Variants in CFAP300 observed in about 807,000 individuals in gnomAD.
CFAP300 encodes cilia- and flagella-associated protein 300.
Under a neutral mutation model 33.0 loss-of-function variants are expected in CFAP300, and 32 were observed. The ratio of observed to expected loss-of-function variants is 0.97; its 90% CI spans 0.73 to 1.30. The LOEUF is 1.30. CFAP300 is among the 50% of genes most tolerant of loss of function. The probability of loss-of-function intolerance (pLI) is 0.00; values close to 1 mark genes in which losing one functional copy is unlikely to be tolerated. For missense variants in CFAP300, 356 were observed against 318.1 expected, an observed-to-expected ratio of 1.12 and a Z score of -0.90; for synonymous variants, 102 against 106.8, an observed-to-expected ratio of 0.95 and a Z score of 0.28.
chr11:102,061,631 T>C (rs1327199420), intron 3 of CFAP300, among the ~76,000 whole-genome samples: 3 of 152,238 alleles, frequency 2.0e-5, no homozygotes, highest in Non-Finnish European at 4.4e-5. Context: ...GGTAGTATTA[T>C]ATATCACTAT....
chr11:102,071,547 G>A (rs1289811268), intron 4 of CFAP300, among the ~76,000 whole-genome samples: 2 of 151,978 alleles, frequency 1.3e-5, no homozygotes. Flanking sequence ...TTGGGGTTTG[G>A]TGGTTTTCTT....
Position 102,083,300 on chromosome 11 carries a change from A to T in CFAP300, c.*101A>T. 3 of 978,930 alleles carry T rather than the reference A, an allele frequency of 3.1e-6. No homozygotes were observed. The highest frequency in any genetic ancestry group is 4.0e-6 in the Non-Finnish European group (3 of 748,054). 60.6% of individuals were successfully genotyped at this position (978,930 alleles called of 1,614,324 possible). Reference sequence around the variant, plus strand: ...ATATACTTTGCAAATTAATTCAAGAAAAATGTAAGGAGCCTACTTAGAGCA... The same window carrying T: ...ATATACTTTGCAAATTAATTCAAGATAAATGTAAGGAGCCTACTTAGAGCA... On this transcript the variant is annotated 3_prime_UTR_variant, in exon 7 of 7. Transcript: ENST00000434758.
rs1941894894 is a variant in CFAP300, at chr11:102,047,482, G to A, written c.12G>A (p.Gly4=). The change falls in exon 1 of 7, where the codon GGG becomes GGA. Residue 4 remains glycine (G), a synonymous_variant. Coordinates refer to ENST00000434758, the MANE Select transcript of CFAP300 (RefSeq NM_032930.3). The stretch of plus-strand genomic sequence containing the variant: ...CAGCCGAGAGCACGATGGCTACTGG[G>A]GAGCTCGGGGACTTGGGTGGCTACT... The part of the protein sequence containing the change: MAT[G]ELGDLGGYYF... 5.2e-6 allele frequency: 8 copies of A among 1,535,946 alleles called. No homozygotes were observed. The highest frequency in any genetic ancestry group is 1.4e-5 in the African/African-American group (1 of 73,166).
intron 4 of CFAP300, among the ~76,000 whole-genome samples, chr11:102,069,940 C>T (rs1299786545): frequency 6.6e-6 from 1 of 152,154 alleles, no homozygotes; most frequent in African/African-American, 2.4e-5. Context: ...GCACTCCAGC[C>T]TGAGTAACAG....
intron 5 of CFAP300, among the ~76,000 whole-genome samples, chr11:102,078,441 G>A (rs1942430266): frequency 6.6e-6 from 1 of 152,126 alleles, no homozygotes. Context: ...CTGATATAAT[G>A]CAATTATTAG....
chr11:102,072,284 C>A (rs962354144), intron 4 of CFAP300, among the ~76,000 whole-genome samples: 1 of 151,836 alleles, frequency 6.6e-6, no homozygotes, highest in South Asian at 2.1e-4. Flanking sequence ...TCAATTGAAT[C>A]TTTTATTTCA....
At chr11:102,048,022 T>A in intron 2 of CFAP300, 126 bp downstream of exon 2, 1 of 810,152 alleles carries the variant, frequency 1.2e-6, no homozygotes, top group Non-Finnish European at 1.9e-6. Context: ...TTGGGAGTAA[T>A]AAAAGGTGCA....
At chr11:102,059,017 G>T (rs1254736869) in intron 3 of CFAP300, 62 bp downstream of exon 3, 1 of 954,244 alleles carries the variant, frequency 1.0e-6, no homozygotes, top group African/African-American at 1.7e-5. Flanking sequence ...TTTGCCTCAG[G>T]AATTTTCATT....
intron 4 of CFAP300, among the ~76,000 whole-genome samples, chr11:102,074,139 C>T (rs1252323588): frequency 6.6e-6 from 1 of 151,888 alleles, no homozygotes; most frequent in Admixed American, 6.6e-5. Context: ...ACTTTTGGGC[C>T]CCAAGGAAGG....
intron 2 of CFAP300, among the ~76,000 whole-genome samples, chr11:102,053,289 C>T (rs552322417): frequency 1.3e-5 from 2 of 148,414 alleles, no homozygotes; most frequent in East Asian, 2.0e-4. Context: ...GTGGCTCTCA[C>T]GCCTATAATC....
intron 4 of CFAP300, among the ~76,000 whole-genome samples, chr11:102,071,516 T>C (rs928475798): frequency 1.3e-5 from 2 of 152,200 alleles, no homozygotes; most frequent in Non-Finnish European, 2.9e-5. Context: ...CTTTTGTTCC[T>C]TTTTCTATTT....
At chr11:102,057,127 C>CAGG (rs1210212624) in intron 2 of CFAP300, among the ~76,000 whole-genome samples, 2 of 151,828 alleles carry the variant, frequency 1.3e-5, no homozygotes. Flanking sequence ...CACCCAAGGT[C>CAGG]AGGAGTTCAA....
chr11:102,067,285 G>A (rs1030956490), intron 4 of CFAP300, among the ~76,000 whole-genome samples: 2 of 152,306 alleles, frequency 1.3e-5, no homozygotes, highest in Non-Finnish European at 1.5e-5. Context: ...TTGAGTCTGG[G>A]AAGTCAAGGC....
chr11:102,057,660 A>G (rs959428132), intron 2 of CFAP300, among the ~76,000 whole-genome samples: 1 of 152,232 alleles, frequency 6.6e-6, no homozygotes, highest in African/African-American at 2.4e-5. Flanking sequence ...ACTCCCTTGC[A>G]TCCAGATAGT....
At chr11:102,064,005 T>G (rs999024884) in intron 3 of CFAP300, among the ~76,000 whole-genome samples, 5 of 152,138 alleles carry the variant, frequency 3.3e-5, no homozygotes, top group African/African-American at 1.2e-4. Context: ...TGAAACCCAA[T>G]TATTTCCCAA....
intron 5 of CFAP300, among the ~76,000 whole-genome samples, chr11:102,080,343 T>A (rs924786539): frequency 2.0e-5 from 3 of 152,128 alleles, no homozygotes; most frequent in East Asian, 1.9e-4. Context: ...CTGAAAAAAA[T>A]TATTTTTAAT....
At chr11:102,080,251 A>G (rs963765955) in intron 5 of CFAP300, among the ~76,000 whole-genome samples, 6 of 152,146 alleles carry the variant, frequency 3.9e-5, no homozygotes, top group African/African-American at 1.4e-4. Context: ...TCTGTAGCTT[A>G]TTTTCTCAAT....
At chr11:102,076,211 A>G in intron 5 of CFAP300, 166 bp downstream of exon 5, 1 of 588,154 alleles carries the variant, frequency 1.7e-6, no homozygotes, top group Non-Finnish European at 2.5e-6. Flanking sequence ...TCTCTTCCAG[A>G]ATAGAAAGAT....
chr11:102,069,031 A>C (rs1380667462), intron 4 of CFAP300, among the ~76,000 whole-genome samples: 1 of 152,182 alleles, frequency 6.6e-6, no homozygotes, highest in Non-Finnish European at 1.5e-5. Context: ...GAGCATCATC[A>C]GTGGACATTT....
Sources: gnomAD v4.1 joint callset for allele counts (sites outside exome capture counted in the v4.1 genomes callset) on GRCh38, gnomAD v4.1.1 for gene constraint, MANE v1.5 for transcripts, NCBI Gene and HGNC (gene_info 2026-07-23, HGNC 2026-07-21) for gene names.